NEU3: variants seen among roughly 807,000 people sequenced by gnomAD.
NEU3 encodes neuraminidase 3.
Under a neutral mutation model 11.4 loss-of-function variants are expected in NEU3, and 10 were observed. The observed-to-expected ratio is 0.88, with a 90% CI of 0.54 to 1.49. The LOEUF (loss-of-function observed/expected upper bound fraction) is 1.49, where lower values mean the gene tolerates loss of function less well. Among genes scored for constraint, NEU3 ranks in the 40% most tolerant of loss-of-function variants. The probability of loss-of-function intolerance (pLI) is 0.00; values close to 1 mark genes in which losing one functional copy is unlikely to be tolerated. For missense variants in NEU3, 529 were observed against 581.8 expected, an observed-to-expected ratio of 0.91 and a Z score of 0.93; for synonymous variants, 212 against 228.2, an observed-to-expected ratio of 0.93 and a Z score of 0.64.
At chr11:74,991,203 G>A (rs189163523) in intron 1 of NEU3, among the ~76,000 whole-genome samples, 1 of 152,300 alleles carries the variant, frequency 6.6e-6, no homozygotes, top group Admixed American at 6.5e-5. Flanking sequence ...CCCTCCCGGG[G>A]AGGAGAGCCT....
Position 75,006,369 on chromosome 11 carries a change from T to C in NEU3, c.1263T>C (p.Cys421=), listed in dbSNP as rs772311050. ...GCTTGTTTGGGTGTTTGTTTGAATGTGGGACCAAGCAAGAGTGTGAGCAGA... is the reference window on the plus strand; with the variant it reads ...GCTTGTTTGGGTGTTTGTTTGAATGCGGGACCAAGCAAGAGTGTGAGCAGA... ...EEGLFGCLFE[C]GTKQECEQIA... is the part of the protein sequence containing the mutation. The change falls in exon 3 of 3, where the codon TGT becomes TGC. Residue 421 remains cysteine, a synonymous_variant. Coordinates refer to ENST00000294064, the MANE Select transcript of NEU3 (RefSeq NM_006656.6). The C allele has an allele frequency of 5.6e-6, 9 of 1,614,004 alleles. No homozygotes were observed. Among genetic ancestry groups the C allele is most frequent in the Non-Finnish European group, 7.6e-6 (9 of 1,179,896 alleles).
chr11:74,991,184 A>T lies in NEU3; in HGVS notation c.94+2030A>T, dbSNP rs570344026. Among the ~76,000 whole-genome samples the T allele has an allele frequency of 2.0e-5, 3 of 152,360 alleles. No individual in the cohort carries two copies. In the South Asian group the frequency reaches 6.2e-4, roughly 32 times the overall value. On this transcript the variant is annotated intron_variant, in intron 1 of 2. Transcript: ENST00000294064. Reference sequence around the variant, plus strand: ...CAGAGACAGATTGTTTGCTTAGAACAAAGCCTGACCCTCCCGGGGAGGAGA... The same window carrying T: ...CAGAGACAGATTGTTTGCTTAGAACTAAGCCTGACCCTCCCGGGGAGGAGA...
rs1343472750 is a variant in NEU3 at position 75,006,006 on chromosome 11, C to T, written c.900C>T (p.Ala300=). Residue 300 remains alanine, a synonymous_variant, in exon 3 of 3, where the codon GCC becomes GCT. Coordinates refer to ENST00000294064, the MANE Select transcript of NEU3 (RefSeq NM_006656.6). ...ATGGTGAAGGCTTTCAGAGACTGGC[C>T]CTGAGTCGACAGCTCTGTGAGCCCC... ...TDHGEGFQRL[A]LSRQLCEPPH... 1.9e-6 allele frequency: 3 copies of T among 1,613,790 alleles called. No homozygotes were observed. The Admixed American group carries it at 5.0e-5, about 27-fold the overall frequency.
Position 75,006,321 on chromosome 11 carries a change from TC to T in NEU3, c.1216del (p.Leu406TrpfsTer36). 6.2e-7 allele frequency: 1 copy of T among 1,613,978 alleles called. No individual in the cohort carries two copies. Among genetic ancestry groups the T allele is most frequent in the Non-Finnish European group, 8.5e-7 (1 of 1,179,888 alleles). ...LHCGPCGYSD[L>X]AALEEEGLFG... is the part of the protein sequence containing the mutation. ...ACTGTGGGCCCTGTGGCTACTCTGA[TC>T]TGGCTGCTCTGGAGGAGGAGGGCTT... On this transcript the variant is annotated frameshift_variant, in exon 3 of 3. Transcript: ENST00000294064. LOFTEE classifies it high-confidence loss of function.
intron 1 of NEU3, among the ~76,000 whole-genome samples, chr11:74,994,167 A>C (rs765946455): frequency 6.6e-6 from 1 of 152,202 alleles, no homozygotes; most frequent in Non-Finnish European, 1.5e-5. Flanking sequence ...TAGAAACTCC[A>C]AGCCAAGAAG....
chr11:75,012,479 A>G (rs924035433), downstream of NEU3, among the ~76,000 whole-genome samples: 2 of 152,218 alleles, frequency 1.3e-5, no homozygotes, highest in Non-Finnish European at 2.9e-5. Flanking sequence ...GCTAACCATG[A>G]TGCAGCCTCT....
downstream of NEU3, among the ~76,000 whole-genome samples, chr11:75,019,607 G>C (rs1027187711): frequency 1.3e-5 from 2 of 152,234 alleles, no homozygotes; most frequent in Non-Finnish European, 2.9e-5. Context: ...CAATGCATAT[G>C]TGATGGTTCC....
chr11:75,005,884 G>A lies in NEU3; in HGVS notation c.778G>A (p.Glu260Lys). ...TAGGCCCATGGTTACAGTAGAATGT[G>A]AAGTGGCAGAGGTGACTGGGAGGGC... The part of the protein sequence containing the change: ...LIRPMVTVEC[E>K]VAEVTGRAGH... Residue 260 changes from glutamate to lysine, a missense_variant, in exon 3 of 3, where the codon GAA (glutamate) becomes AAA (lysine). Physicochemically the swap from Glu to Lys is moderately conservative, Grantham distance 56. Coordinates refer to ENST00000294064, the MANE Select transcript of NEU3 (RefSeq NM_006656.6). 1 of 1,613,764 alleles carries A rather than the reference G, an allele frequency of 6.2e-7. No homozygotes were observed. The highest frequency in any genetic ancestry group is 8.5e-7 in the Non-Finnish European group (1 of 1,179,882).
chr11:74,990,242 C>G, intron 1 of NEU3: 1 of 473,832 alleles, frequency 2.1e-6, no homozygotes, highest in Non-Finnish European at 3.7e-6. Flanking sequence ...AATCCAAGAC[C>G]TAGAGGTTGA....
At chr11:74,981,481 G>A in the NEU3 span, among the ~76,000 whole-genome samples, 1 of 152,174 alleles carries the variant, frequency 6.6e-6, no homozygotes, top group Non-Finnish European at 1.5e-5. Context: ...AAAGTTTTGA[G>A]CACCCCTCCC....
chr11:74,982,399 A>G, the NEU3 span, among the ~76,000 whole-genome samples: 1 of 152,196 alleles, frequency 6.6e-6, no homozygotes, highest in Admixed American at 6.5e-5. Context: ...GGTACAGCCC[A>G]AGAAGAATGG....
rs1948925243 is a variant in NEU3, at chr11:75,008,678, C to A, written c.*2186C>A. 6.6e-6 allele frequency: 1 copy of A among 152,146 alleles called. No individual in the cohort carries two copies. The highest frequency in any genetic ancestry group is 2.4e-5 in the African/African-American group (1 of 41,354). The allele number at this position is 152,146 out of a possible 1,614,324, so 9.4% of individuals were successfully genotyped here. A position where few individuals can be genotyped will look rare whatever the true frequency, so the allele number is the denominator to read the frequency against. ...CAAGCAATTCTCCTGCCTCAGCCTC[C>A]CAAGTAGCTGGGATTACAGGTGCCT... On this transcript the variant is annotated 3_prime_UTR_variant, in exon 3 of 3. Transcript: ENST00000294064.
At chr11:75,017,836 G>A (rs1375721048) in intron 3 of NEU3, among the ~76,000 whole-genome samples, 1 of 152,154 alleles carries the variant, frequency 6.6e-6, no homozygotes, top group African/African-American at 2.4e-5. Context: ...CTGGTCTTTG[G>A]GGTAGGAATT....
At chr11:75,019,133 A>T (rs1173056486), downstream of NEU3, among the ~76,000 whole-genome samples, 1 of 152,202 alleles carries the variant, frequency 6.6e-6, no homozygotes, top group Non-Finnish European at 1.5e-5. Flanking sequence ...AAGGCATTCA[A>T]TTTTATAAGG....
intron 2 of NEU3, among the ~76,000 whole-genome samples, chr11:75,000,326 C>T (rs1948829831): frequency 6.6e-6 from 1 of 152,268 alleles, no homozygotes; most frequent in South Asian, 2.1e-4. Flanking sequence ...AAATTGTGCA[C>T]CCAATCTTCA....
At chr11:75,020,497 G>A (rs942376062), downstream of NEU3, among the ~76,000 whole-genome samples, 1 of 152,104 alleles carries the variant, frequency 6.6e-6, no homozygotes, top group Non-Finnish European at 1.5e-5. Flanking sequence ...TCTCATGATC[G>A]TGAACAAGTC....
Position 75,006,285 on chromosome 11 carries a change from CT to C in NEU3, c.1180del (p.Trp394GlyfsTer48). 6.2e-7 allele frequency: 1 copy of C among 1,614,024 alleles called. No homozygotes were observed. Among genetic ancestry groups the C allele is most frequent in the African/African-American group, 1.3e-5 (1 of 75,054 alleles). On this transcript the variant is annotated frameshift_variant, in exon 3 of 3. Transcript: ENST00000294064. LOFTEE classifies it high-confidence loss of function. Reference protein sequence around the residue: ...PLEAACWSRPWILHCGPCGYS... With the variant: ...PLEAACWSRPXILHCGPCGYS... ...TGGAGGCTGCCTGCTGGTCCCGCCC[CT>C]GGATCTTGCACTGTGGGCCCTGTGG...
downstream of NEU3, among the ~76,000 whole-genome samples, chr11:75,015,702 C>T (rs1021234694): frequency 5.9e-5 from 9 of 152,118 alleles, no homozygotes; most frequent in African/African-American, 2.2e-4. Context: ...CTTTTGCCAG[C>T]CTCATGAGGT....
At chr11:75,017,802 C>T (rs907251442) in intron 3 of NEU3, among the ~76,000 whole-genome samples, 2 of 152,136 alleles carry the variant, frequency 1.3e-5, no homozygotes. Flanking sequence ...CGAAAAAGAC[C>T]TCTGTACTGA....
Sources: allele counts gnomAD v4.1 joint callset (sites outside exome capture counted in the v4.1 genomes callset), GRCh38; gene constraint gnomAD v4.1.1; transcripts MANE v1.5; gene names NCBI Gene and HGNC (gene_info 2026-07-23, HGNC 2026-07-21).